SSH1: variants seen among roughly 807,000 people sequenced by gnomAD.
The protein encoded by SSH1 is slingshot protein phosphatase 1.
SSH1 carries 43 observed loss-of-function variants against 79.7 expected under a neutral mutation model. That is an observed-to-expected ratio of 0.54 (90% CI 0.42 to 0.70). SSH1 has a LOEUF of 0.70. Among genes scored for constraint, SSH1 ranks in the 30% least tolerant of loss-of-function variants. SSH1 has a pLI of 0.00. For missense variants in SSH1, 1,206 were observed against 1,358.8 expected (o/e 0.89, Z 1.77); for synonymous variants, 599 against 538.3 (o/e 1.11, Z -1.56).
chr12:108,808,329 G>T (rs886560729), intron 7 of SSH1, among the ~76,000 whole-genome samples: 3 of 152,212 alleles, frequency 2.0e-5, no homozygotes, highest in African/African-American at 7.2e-5. Flanking sequence ...CATTCAGCCC[G>T]CCAGGACACG....
chr12:108,829,438 C>T (rs1171174482), intron 2 of SSH1, among the ~76,000 whole-genome samples: 2 of 152,184 alleles, frequency 1.3e-5, no homozygotes, highest in Non-Finnish European at 2.9e-5. Context: ...GAATTAACCC[C>T]TAGAATTCCT....
At position 108,785,748 on chromosome 12, in the gene SSH1, T is replaced by C. The variant is rs932335633; in HGVS notation, c.*2240A>G. The C allele has an allele frequency of 6.9e-6, 1 of 145,000 alleles. No individual in the cohort carries two copies. The highest frequency in any genetic ancestry group is 1.5e-5 in the Non-Finnish European group (1 of 67,998). 9.0% of individuals were successfully genotyped at this position (145,000 alleles called of 1,614,324 possible). On this transcript the variant is annotated 3_prime_UTR_variant, in exon 15 of 15. Transcript: ENST00000326495. ...TTCAAAAATATATCATTCTCATACATAGACGTGGTTAAAAAACCAACAAAA... is the reference window on the plus strand; with the variant it reads ...TTCAAAAATATATCATTCTCATACACAGACGTGGTTAAAAAACCAACAAAA...
intron 13 of SSH1, 117 bp downstream of exon 13, chr12:108,798,883 G>C: frequency 8.2e-7 from 1 of 1,215,746 alleles, no homozygotes. Context: ...TTTGGCTGTG[G>C]AAGCGGCTGC....
At chr12:108,804,998 C>A in intron 10 of SSH1, 58 bp downstream of exon 10, 2 of 1,597,986 alleles carry the variant, frequency 1.3e-6, no homozygotes, top group Non-Finnish European at 1.7e-6. Context: ...AACTCTTAAA[C>A]AACCAGGGTC....
chr12:108,795,570 CATATA>C (rs1408584968), intron 13 of SSH1, among the ~76,000 whole-genome samples: 4 of 150,192 alleles, frequency 2.7e-5, no homozygotes, highest in South Asian at 2.2e-4. Context: ...AGCTAAAATA[CATATA>C]ATATAAAATT....
chr12:108,827,631 C>T (rs754347606), intron 2 of SSH1: 47 of 1,121,356 alleles, frequency 4.2e-5, no homozygotes, highest in Non-Finnish European at 5.1e-5. Flanking sequence ...TGCACTCCTA[C>T]GGGCTTTTCT....
Position 108,792,541 on chromosome 12 carries a change from T to C in SSH1, c.1638A>G (p.Pro546=). The C allele has an allele frequency of 1.2e-6, 2 of 1,614,044 alleles. No individual in the cohort carries two copies. Among genetic ancestry groups the C allele is most frequent in the East Asian group, 2.2e-5 (1 of 44,876 alleles). Reference sequence around the variant, plus strand: ...TGGCCGGCCTGTGCACCTCTGCAGGTGGAGCAGCTTCCTCCAACAGAGCCT... The same window carrying C: ...TGGCCGGCCTGTGCACCTCTGCAGGCGGAGCAGCTTCCTCCAACAGAGCCT... ...EREALLEEAA[P]PAEVHRPARQ... The change falls in exon 14 of 15, where the codon CCA becomes CCG. Residue 546 remains proline, a synonymous_variant. Coordinates refer to ENST00000326495, the MANE Select transcript of SSH1 (RefSeq NM_018984.4).
chr12:108,843,741 C>T (rs962379240), intron 2 of SSH1, among the ~76,000 whole-genome samples: 6 of 151,952 alleles, frequency 3.9e-5, no homozygotes, highest in East Asian at 1.9e-4. Context: ...CACCATGTTG[C>T]CCAGGATGGT....
chr12:108,788,718 A>G lies in SSH1; in HGVS notation c.2420T>C (p.Met807Thr). 6 of 1,614,254 alleles carry G rather than the reference A, an allele frequency of 3.7e-6. No homozygotes were observed. The highest frequency in any genetic ancestry group is 5.1e-6 in the Non-Finnish European group (6 of 1,180,050). ...CTGAATGATGGACTCCTGGTGCTGC[A>G]TCAGGTAGCTGTTGGTTGTCGGCTT... ...SEKPTTNSYL[M>T]QHQESIIQLQ... The change falls in exon 15 of 15, where the codon ATG (methionine) becomes ACG (threonine). Residue 807 changes from methionine (M) to threonine (T), a missense_variant. Met to Thr is a moderately conservative substitution (Grantham distance 81). Around this residue, in one of 5 missense-constraint regions of SSH1, gnomAD observed 709 missense variants for 730.6 expected, o/e 0.97. Transcript: ENST00000326495.
intron 13 of SSH1, 77 bp downstream of exon 13, chr12:108,798,923 G>T: frequency 6.5e-7 from 1 of 1,543,298 alleles, no homozygotes; most frequent in Non-Finnish European, 8.9e-7. Context: ...CTCTGCTGCC[G>T]ACAGAGGCCT....
chr12:108,843,325 A>G (rs2038822691), intron 2 of SSH1, among the ~76,000 whole-genome samples: 1 of 152,170 alleles, frequency 6.6e-6, no homozygotes, highest in African/African-American at 2.4e-5. Flanking sequence ...TAGTTGCTCA[A>G]CAGGAAACAA....
rs1332357073 is a variant in SSH1 at position 108,857,438 on chromosome 12, C to T, written c.59G>A (p.Ser20Asn). 1.2e-5 allele frequency: 13 copies of T among 1,105,904 alleles called. No individual in the cohort carries two copies. Among genetic ancestry groups the T allele is most frequent in the Non-Finnish European group, 1.5e-5 (13 of 892,214 alleles). The allele number at this position is 1,105,904 out of a possible 1,614,324, so 68.5% of individuals were successfully genotyped here. Residue 20 changes from serine (S) to asparagine (N), a missense_variant, in exon 1 of 15, where the codon AGC (serine) becomes AAC (asparagine). Physicochemically the swap from Ser to Asn is conservative, Grantham distance 46 (BLOSUM62 1). This residue lies in a region of SSH1 where 100 missense variants were observed against 82.3 expected (regional missense o/e 1.21). Transcript: ENST00000326495. This position sits in a 1 kb window ranked among gnomAD's most constrained non-coding sequence, Gnocchi z 4.7. ...PTPSAASSSA[S>N]NSELEAGSEE... ...GAGCCCGGGGCTCACCTCGCTGTTG[C>T]TGGCCGAGGAGGAGGCGGCGCTGGG... is the stretch of plus-strand genomic sequence containing the variant.
At chr12:108,789,473 T>C (rs902594289) in intron 14 of SSH1, among the ~76,000 whole-genome samples, 4 of 152,152 alleles carry the variant, frequency 2.6e-5, no homozygotes, top group Admixed American at 2.0e-4. Flanking sequence ...CAAGTTTACA[T>C]TGTTTCCTAA....
At chr12:108,838,650 C>T (rs1234332666) in intron 2 of SSH1, among the ~76,000 whole-genome samples, 2 of 152,196 alleles carry the variant, frequency 1.3e-5, no homozygotes, top group Non-Finnish European at 2.9e-5. Context: ...ACCACAAATA[C>T]CCAGGGTAAT....
chr12:108,846,734 A>T (rs761768976), intron 2 of SSH1, among the ~76,000 whole-genome samples: 6 of 152,202 alleles, frequency 3.9e-5, no homozygotes, highest in Non-Finnish European at 7.4e-5. Context: ...GGCTGCTTCA[A>T]GTCAAAGGGC....
intron 2 of SSH1, among the ~76,000 whole-genome samples, chr12:108,847,629 G>T (rs1436023149): frequency 6.6e-6 from 1 of 152,058 alleles, no homozygotes; most frequent in Non-Finnish European, 1.5e-5. Flanking sequence ...GCTGATTTTT[G>T]TATTTTTAGT....
At position 108,801,412 on chromosome 12, in the gene SSH1, T is replaced by C. The variant is rs565297650; in HGVS notation, c.1002-486A>G. On this transcript the variant is annotated intron_variant, in intron 11 of 14. Transcript: ENST00000326495. ...TGACAGGGTCTGCTAACCCAGGTTC[T>C]GTAGTTCTCTCAACTTAATCAATAC... Among the ~76,000 whole-genome samples, 10 of 152,326 alleles carry C rather than the reference T, an allele frequency of 6.6e-5. No individual in the cohort carries two copies. In the South Asian group the frequency reaches 2.1e-3, roughly 32 times the overall value.
chr12:108,815,702 G>A (rs537808942), intron 5 of SSH1, among the ~76,000 whole-genome samples: 1 of 152,220 alleles, frequency 6.6e-6, no homozygotes, highest in Non-Finnish European at 1.5e-5. Context: ...GCTCACATCC[G>A]AACACCTCCT....
In SSH1 at chr12:108,814,820, G is replaced by A. The variant is rs1405500647; in HGVS notation, c.401+2218C>T. Among the ~76,000 whole-genome samples, 15 of 152,248 alleles carry A rather than the reference G, an allele frequency of 9.9e-5. No individual in the cohort carries two copies. In the South Asian group the frequency reaches 2.5e-3, roughly 25 times the overall value. ...GGGAGAACTGAAGTCGGGGTGCCGA[G>A]GGGAGGCAAAGGGAGGAGAGGGTGG... On this transcript the variant is annotated intron_variant, in intron 5 of 14. Transcript: ENST00000326495.
Sources: allele counts gnomAD v4.1 joint callset (sites outside exome capture counted in the v4.1 genomes callset), GRCh38; gene constraint gnomAD v4.1.1; regional missense constraint gnomAD v4.1.1; non-coding constraint Gnocchi (gnomAD v3.1); transcripts MANE v1.5; gene names NCBI Gene and HGNC (gene_info 2026-07-23, HGNC 2026-07-21).